The following NDRG3 variants were observed in gnomAD, a reference collection of about 807,000 sequenced individuals.
NDRG3 encodes the protein NDRG family member 3.
In NDRG3, 23 loss-of-function variants were observed where a neutral mutation model predicts 57.2. That is an observed-to-expected ratio of 0.40 (90% CI 0.29 to 0.57). The LOEUF is 0.57. Among genes scored for constraint, NDRG3 ranks in the 20% least tolerant of loss-of-function variants. The probability of loss-of-function intolerance (pLI) is 0.42; values close to 1 mark genes in which losing one functional copy is unlikely to be tolerated. For missense variants in NDRG3, 384 were observed against 457.3 expected, an observed-to-expected ratio of 0.84 and a Z score of 1.46; for synonymous variants, 132 against 162.6, an observed-to-expected ratio of 0.81 and a Z score of 1.43.
Position 36,746,088 on chromosome 20 carries a change from G to A in NDRG3, c.-92C>T, listed in dbSNP as rs1296057092. Reference sequence around the variant, plus strand: ...CCGTCAGTGCAGCAGCAGCGGCGGCGGCGGCGGCGGCGGCGGCGGCGGCGG... The same window carrying A: ...CCGTCAGTGCAGCAGCAGCGGCGGCAGCGGCGGCGGCGGCGGCGGCGGCGG... On this transcript the variant is annotated 5_prime_UTR_variant, in exon 1 of 16. Transcript: ENST00000349004. 3.5e-3 allele frequency: 705 copies of A among 199,356 alleles called. No homozygotes were observed. Among genetic ancestry groups the A allele is most frequent in the Middle Eastern group, 6.5e-3 (4 of 616 alleles). The allele number at this position is 199,356 out of a possible 1,614,324, so 12.3% of individuals were successfully genotyped here. A position where few individuals can be genotyped will look rare whatever the true frequency, so the allele number is the denominator to read the frequency against.
intron 2 of NDRG3, among the ~76,000 whole-genome samples, chr20:36,708,244 T>C (rs1600933489): frequency 6.6e-6 from 1 of 152,152 alleles, no homozygotes; most frequent in South Asian, 2.1e-4. Context: ...CAATGACTTC[T>C]AGAAGGTTCC....
chr20:36,692,369 GTGC>G lies in NDRG3; in HGVS notation c.94-3588_94-3586del, dbSNP rs1982336759. Reference sequence around the variant, plus strand: ...CTCCCAAGTAGCTGGGACTACAGGTGTGCACCACCAAGCCCCACTAATTTTTGT... The same window carrying G: ...CTCCCAAGTAGCTGGGACTACAGGTGACCACCAAGCCCCACTAATTTTTGT... On this transcript the variant is annotated intron_variant, in intron 3 of 15. Transcript: ENST00000349004. 3.3e-5 allele frequency among the ~76,000 whole-genome samples: 5 copies of G among 152,198 alleles called. No individual in the cohort carries two copies. The East Asian group carries it at 9.7e-4, about 29-fold the overall frequency.
intron 3 of NDRG3, among the ~76,000 whole-genome samples, chr20:36,693,004 G>C (rs1982391557): frequency 1.4e-5 from 2 of 141,094 alleles, no homozygotes; most frequent in Non-Finnish European, 3.0e-5. Context: ...GAGCCCAGGA[G>C]GTCAAGGCTG....
At chr20:36,729,449 CAT>C (rs1211455709) in intron 1 of NDRG3, among the ~76,000 whole-genome samples, 1 of 152,104 alleles carries the variant, frequency 6.6e-6, no homozygotes, top group African/African-American at 2.4e-5. Flanking sequence ...GAGAGTCTAA[CAT>C]GTGACCTCAT....
Position 36,660,565 on chromosome 20 carries a change from TTTA to T in NDRG3, c.811-184_811-182del, listed in dbSNP as rs1414493554. On this transcript the variant is annotated intron_variant, in intron 12 of 15. Transcript: ENST00000349004. ...ATTTATTTATTTATTTATTTATTTA[TTTA>T]TTTTTTTTTTGAGACGGAGTCTCGC... Among the ~76,000 whole-genome samples, 43 of 149,460 alleles carry T rather than the reference TTTA, an allele frequency of 2.9e-4. 1 individual carries two copies. The highest frequency in any genetic ancestry group is 7.5e-4 in the African/African-American group (30 of 39,902).
At chr20:36,671,922 T>C (rs1331965606) in intron 8 of NDRG3, among the ~76,000 whole-genome samples, 1 of 151,934 alleles carries the variant, frequency 6.6e-6, no homozygotes, top group African/African-American at 2.4e-5. Flanking sequence ...AGGGTAATAA[T>C]AAAGCCTGCT....
intron 2 of NDRG3, among the ~76,000 whole-genome samples, chr20:36,711,278 CAA>C (rs538568446): frequency 7.1e-6 from 1 of 141,790 alleles, no homozygotes. Context: ...GACTCCGTCT[CAA>C]AAAAAAAATA....
At chr20:36,713,015 T>C (rs1984017960) in intron 2 of NDRG3, among the ~76,000 whole-genome samples, 1 of 152,134 alleles carries the variant, frequency 6.6e-6, no homozygotes, top group Admixed American at 6.6e-5. Flanking sequence ...CTGCCTCAGT[T>C]TGTTTGTCTC....
intron 2 of NDRG3, among the ~76,000 whole-genome samples, chr20:36,712,400 T>TC (rs1983944186): frequency 7.0e-6 from 1 of 143,724 alleles, no homozygotes; most frequent in African/African-American, 2.6e-5. Flanking sequence ...TTTCTTTTTT[T>TC]TTTTTTTTTT....
intron 12 of NDRG3, 100 bp from the exon 13 acceptor site, chr20:36,660,484 G>T: frequency 2.6e-6 from 2 of 756,916 alleles, no homozygotes; most frequent in Non-Finnish European, 4.5e-6. Flanking sequence ...CAACAGCTCA[G>T]TCTGGAGAAG....
chr20:36,703,193 T>C (rs555958641), intron 3 of NDRG3, among the ~76,000 whole-genome samples: 10 of 152,178 alleles, frequency 6.6e-5, no homozygotes, highest in Non-Finnish European at 1.2e-4. Context: ...TTACAGCATC[T>C]GTCTCAATGC....
At chr20:36,737,591 A>G (rs1399644657) in intron 1 of NDRG3, among the ~76,000 whole-genome samples, 1 of 152,180 alleles carries the variant, frequency 6.6e-6, no homozygotes, top group Non-Finnish European at 1.5e-5. Flanking sequence ...AAGAAACTGA[A>G]GCTCGGACGG....
chr20:36,701,701 C>T (rs189447193), intron 3 of NDRG3, among the ~76,000 whole-genome samples: 684 of 151,718 alleles, frequency 4.5e-3, no homozygotes, highest in Non-Finnish European at 7.6e-3. Flanking sequence ...GCATGCGCCA[C>T]CATGCCTGGC....
chr20:36,745,610 G>A (rs1986149318), intron 1 of NDRG3, among the ~76,000 whole-genome samples: 1 of 152,234 alleles, frequency 6.6e-6, no homozygotes, highest in Non-Finnish European at 1.5e-5. Context: ...GGGGCCGGAC[G>A]GGTGCAAGGG....
chr20:36,669,204 G>A (rs1013670091), intron 9 of NDRG3, among the ~76,000 whole-genome samples: 1 of 151,020 alleles, frequency 6.6e-6, no homozygotes. Flanking sequence ...TTACAGGCAC[G>A]TGCCACCACA....
intron 3 of NDRG3, among the ~76,000 whole-genome samples, chr20:36,705,332 A>AAAAG (rs1568656259): frequency 1.0e-4 from 15 of 150,226 alleles, no homozygotes; most frequent in South Asian, 2.1e-4. Context: ...AAAAAAAAAA[A>AAAAG]AAAAGAAAAG....
chr20:36,711,532 C>A (rs1983879715), intron 2 of NDRG3, among the ~76,000 whole-genome samples: 1 of 152,100 alleles, frequency 6.6e-6, no homozygotes, highest in Non-Finnish European at 1.5e-5. Context: ...GTCATTGTAT[C>A]CATGAATTCT....
At chr20:36,706,369 T>C (rs1231902814) in intron 3 of NDRG3, among the ~76,000 whole-genome samples, 1 of 152,218 alleles carries the variant, frequency 6.6e-6, no homozygotes, top group African/African-American at 2.4e-5. Context: ...TTGCCACCTA[T>C]GACAAATGAG....
At chr20:36,696,293 A>C (rs1052280037) in intron 3 of NDRG3, among the ~76,000 whole-genome samples, 2 of 151,714 alleles carry the variant, frequency 1.3e-5, no homozygotes, top group African/African-American at 2.4e-5. Flanking sequence ...ATGGGGTTTC[A>C]CCATGTTGGT....
Sources: allele counts gnomAD v4.1 joint callset (sites outside exome capture counted in the v4.1 genomes callset), GRCh38; gene constraint gnomAD v4.1.1; transcripts MANE v1.5; gene names NCBI Gene and HGNC (gene_info 2026-07-23, HGNC 2026-07-21).